CNTN3: variants seen among roughly 807,000 people sequenced by gnomAD.
CNTN3 encodes the protein contactin 3.
CNTN3 carries 60 observed loss-of-function variants against 119.1 expected under a neutral mutation model. The observed-to-expected ratio is 0.50, with a 90% CI of 0.41 to 0.62. The LOEUF (loss-of-function observed/expected upper bound fraction) is 0.62, where lower values mean the gene tolerates loss of function less well. Ranked by LOEUF, CNTN3 falls within the 20% of genes least tolerant of loss-of-function variation. The pLI is 0.00. For missense variants in CNTN3, 1,101 were observed against 1,242.4 expected (o/e 0.89, Z 1.71); for synonymous variants, 450 against 438.7 (o/e 1.03, Z -0.32).
intron 4 of CNTN3, among the ~76,000 whole-genome samples, chr3:74,461,539 A>T (rs1030023215): frequency 2.6e-5 from 4 of 152,040 alleles, no homozygotes; most frequent in Non-Finnish European, 4.4e-5. Context: ...TCAAATCAAG[A>T]GGCATCTAAA....
rs145909732 is a variant in CNTN3 at position 74,515,547 on chromosome 3, G to A, written c.55+5511C>T. On this transcript the variant is annotated intron_variant, in intron 2 of 22. Coordinates refer to ENST00000263665, the MANE Select transcript of CNTN3 (RefSeq NM_020872.3). ...AATAAATCAGCAAGAATTATTTGAC[G>A]CAAGAAACCATTAGTATGTGTTCAC... 3.7e-4 allele frequency among the ~76,000 whole-genome samples: 57 copies of A among 152,148 alleles called. 1 individual carries two copies. The highest frequency in any genetic ancestry group is 9.6e-4 in the African/African-American group (40 of 41,548).
rs1704850492 is a variant in CNTN3 at position 74,598,535 on chromosome 3, C to A, written c.-81+15856G>T. ...AGTGCAGTGGCATGATCGCAGCTCA[C>A]TGAAGTCTTGACCTCCCTGGCCCAA... is the stretch of plus-strand genomic sequence containing the variant. On this transcript the variant is annotated intron_variant, in intron 1 of 22. Transcript: ENST00000263665. Among the ~76,000 whole-genome samples the A allele has an allele frequency of 2.0e-5, 3 of 152,030 alleles. No homozygotes were observed. The South Asian group carries it at 6.2e-4, about 32-fold the overall frequency.
At chr3:74,325,119 C>CA (rs111394338) in intron 13 of CNTN3, among the ~76,000 whole-genome samples, 204 of 142,794 alleles carry the variant, frequency 1.4e-3, no homozygotes, top group South Asian at 2.7e-3. Flanking sequence ...TTGTCTTTGG[C>CA]AAAAAAAAAA....
chr3:74,579,874 T>C (rs1442084455), intron 1 of CNTN3, among the ~76,000 whole-genome samples: 2 of 152,126 alleles, frequency 1.3e-5, no homozygotes, highest in Non-Finnish European at 2.9e-5. Flanking sequence ...AAATGAAACT[T>C]AAAATATATG....
At chr3:74,489,236 C>T (rs115517341) in intron 3 of CNTN3, among the ~76,000 whole-genome samples, 1,694 of 152,190 alleles carry the variant, frequency 0.011, 13 homozygotes, top group Non-Finnish European at 0.017. Flanking sequence ...CTTAAGATTT[C>T]CCAGTGACTA....
intron 5 of CNTN3, among the ~76,000 whole-genome samples, chr3:74,414,052 T>C (rs1314500140): frequency 6.6e-6 from 1 of 152,162 alleles, no homozygotes; most frequent in Non-Finnish European, 1.5e-5. Flanking sequence ...GTGCTCAATC[T>C]CTGTGAGCAT....
intron 1 of CNTN3, among the ~76,000 whole-genome samples, chr3:74,561,369 C>A (rs1704151351): frequency 6.6e-6 from 1 of 152,058 alleles, no homozygotes; most frequent in Admixed American, 6.6e-5. Context: ...TAAAATTCTG[C>A]CTGCAAGAGC....
chr3:74,336,893 T>C (rs1269378018), intron 11 of CNTN3, among the ~76,000 whole-genome samples: 1 of 151,996 alleles, frequency 6.6e-6, no homozygotes, highest in Non-Finnish European at 1.5e-5. Context: ...TTGAACTTTG[T>C]TCAGTATTTT....
At chr3:74,437,185 A>G (rs551118051) in intron 4 of CNTN3, among the ~76,000 whole-genome samples, 126 of 152,270 alleles carry the variant, frequency 8.3e-4, no homozygotes, top group Admixed American at 1.8e-3. Context: ...CTGGCCAGGC[A>G]CGGTGGCTCA....
chr3:74,330,902 A>C (rs1703248887), intron 13 of CNTN3, among the ~76,000 whole-genome samples: 1 of 152,214 alleles, frequency 6.6e-6, no homozygotes, highest in South Asian at 2.1e-4. Context: ...GGATATAAAT[A>C]AAATATTTTT....
intron 20 of CNTN3, among the ~76,000 whole-genome samples, chr3:74,268,557 T>C (rs1701707570): frequency 6.6e-6 from 1 of 152,188 alleles, no homozygotes; most frequent in East Asian, 1.9e-4. Context: ...TGGATTTCTT[T>C]TGCTTTTTGT....
At chr3:74,285,790 GATATATATATATATATATATATATAT>G (rs71129738) in intron 19 of CNTN3, among the ~76,000 whole-genome samples, 2,399 of 56,590 alleles carry the variant, frequency 0.042, 134 homozygotes, top group African/African-American at 0.096. Context: ...ATGAAGGGGA[GATATATATATATATATATATATATAT>G]ATATATATAT....
chr3:74,304,040 G>C (rs1197700623), intron 13 of CNTN3, among the ~76,000 whole-genome samples: 1 of 152,142 alleles, frequency 6.6e-6, no homozygotes, highest in East Asian at 1.9e-4. Flanking sequence ...TATATTGTAA[G>C]ATGAATTCTA....
intron 4 of CNTN3, among the ~76,000 whole-genome samples, chr3:74,430,733 T>C (rs1402235992): frequency 2.0e-5 from 3 of 152,258 alleles, no homozygotes; most frequent in African/African-American, 7.2e-5. Context: ...GGTCAACACA[T>C]GTACATCCAT....
chr3:74,364,379 A>T, intron 10 of CNTN3, 88 bp downstream of exon 10: 1 of 1,261,056 alleles, frequency 7.9e-7, no homozygotes, highest in Non-Finnish European at 1.1e-6. Context: ...GTAGGAACCT[A>T]ATGTGAAAAG....
At chr3:74,538,137 C>T (rs1447535674) in intron 1 of CNTN3, among the ~76,000 whole-genome samples, 2 of 152,064 alleles carry the variant, frequency 1.3e-5, no homozygotes, top group African/African-American at 4.8e-5. Context: ...ATACAGGAGG[C>T]ACAATTTCTT....
intron 11 of CNTN3, 47 bp downstream of exon 11, chr3:74,361,843 G>A: frequency 6.4e-7 from 1 of 1,554,698 alleles, no homozygotes; most frequent in Non-Finnish European, 8.7e-7. Context: ...CATCAGTATG[G>A]AAAGTGAGAG....
chr3:74,610,652 A>AT (rs1705065828), intron 1 of CNTN3, among the ~76,000 whole-genome samples: 1 of 151,984 alleles, frequency 6.6e-6, no homozygotes, highest in Non-Finnish European at 1.5e-5. Flanking sequence ...TTTAACTTAC[A>AT]TTAAAAAAAA....
intron 20 of CNTN3, among the ~76,000 whole-genome samples, chr3:74,274,723 T>C (rs551789890): frequency 6.6e-6 from 1 of 152,130 alleles, no homozygotes; most frequent in South Asian, 2.1e-4. Flanking sequence ...AAAACAACTC[T>C]GGTAATATGA....
Sources: allele counts gnomAD v4.1 joint callset (sites outside exome capture counted in the v4.1 genomes callset), GRCh38; gene constraint gnomAD v4.1.1; transcripts MANE v1.5; gene names NCBI Gene and HGNC (gene_info 2026-07-23, HGNC 2026-07-21).